C8orf34: variants seen among roughly 807,000 people sequenced by gnomAD.
C8orf34 encodes chromosome 8 open reading frame 34, also known as uncharacterized protein C8orf34.
A neutral mutation model predicts 68.3 loss-of-function variants in C8orf34; 65 were observed. The ratio of observed to expected loss-of-function variants is 0.95; its 90% CI spans 0.78 to 1.17. The LOEUF is 1.17. C8orf34 is among the 50% of genes most tolerant of loss of function. The probability of loss-of-function intolerance (pLI) is 0.00; values close to 1 mark genes in which losing one functional copy is unlikely to be tolerated. For missense variants in C8orf34, 664 were observed against 655.4 expected (o/e 1.01, Z -0.14); for synonymous variants, 244 against 241.2 (o/e 1.01, Z -0.11).
At chr8:68,474,807 C>T (rs1812532283) in intron 4 of C8orf34, among the ~76,000 whole-genome samples, 1 of 152,190 alleles carries the variant, frequency 6.6e-6, no homozygotes, top group African/African-American at 2.4e-5. Flanking sequence ...ATGGAAGTGA[C>T]ATACATTATC....
intron 12 of C8orf34, among the ~76,000 whole-genome samples, chr8:68,810,954 C>A (rs917935237): frequency 6.6e-6 from 1 of 152,170 alleles, no homozygotes; most frequent in African/African-American, 2.4e-5. Context: ...CAGCCCAGCC[C>A]CCAGGCTTCA....
chr8:68,561,372 T>C (rs1205636109), intron 7 of C8orf34, among the ~76,000 whole-genome samples: 1 of 151,864 alleles, frequency 6.6e-6, no homozygotes, highest in Non-Finnish European at 1.5e-5. Flanking sequence ...CAAAAAAAAA[T>C]CTTTCCTTTG....
intron 1 of C8orf34, among the ~76,000 whole-genome samples, chr8:68,338,458 T>C (rs900094681): frequency 6.6e-6 from 1 of 152,216 alleles, no homozygotes; most frequent in African/African-American, 2.4e-5. Flanking sequence ...TTGTAACTCC[T>C]CTTCTCCTTA....
At chr8:68,355,578 G>A (rs1806711658) in intron 1 of C8orf34, among the ~76,000 whole-genome samples, 1 of 152,112 alleles carries the variant, frequency 6.6e-6, no homozygotes, top group Non-Finnish European at 1.5e-5. Context: ...CAGAACAGGT[G>A]GAGAGATCTT....
chr8:68,698,254 T>C (rs1395074011), intron 8 of C8orf34, among the ~76,000 whole-genome samples: 3 of 152,124 alleles, frequency 2.0e-5, no homozygotes, highest in Admixed American at 1.3e-4. Flanking sequence ...TACTTTGGAA[T>C]GTTCAGTATA....
chr8:68,786,432 T>A, intron 11 of C8orf34, among the ~76,000 whole-genome samples: 1 of 152,300 alleles, frequency 6.6e-6, no homozygotes, highest in East Asian at 1.9e-4. Context: ...AGGACCTTTT[T>A]TATTATTTTT....
chr8:68,786,913 GGTCTGCTTTAGTTCAAT>G (rs1173098912), intron 11 of C8orf34, among the ~76,000 whole-genome samples: 1 of 152,080 alleles, frequency 6.6e-6, no homozygotes, highest in Non-Finnish European at 1.5e-5. Context: ...AGATAATGAG[GGTCTGCTTTAGTTCAAT>G]GACAGAAGGG....
chr8:68,507,136 A>G (rs568514532), intron 5 of C8orf34, among the ~76,000 whole-genome samples: 1 of 152,344 alleles, frequency 6.6e-6, no homozygotes, highest in East Asian at 1.9e-4. Flanking sequence ...ATTTGACAAT[A>G]AAGTCATGCA....
intron 1 of C8orf34, among the ~76,000 whole-genome samples, chr8:68,436,112 G>A (rs558649029): frequency 2.0e-5 from 3 of 152,290 alleles, no homozygotes; most frequent in African/African-American, 7.2e-5. Context: ...GGAGGCTGAG[G>A]TGGAAGAATT....
intron 10 of C8orf34, among the ~76,000 whole-genome samples, chr8:68,744,728 A>G (rs1304104771): frequency 6.6e-6 from 1 of 152,210 alleles, no homozygotes; most frequent in Non-Finnish European, 1.5e-5. Flanking sequence ...GAAATATGGG[A>G]CTATGTGAAA....
At chr8:68,455,173 CT>C (rs1464681347) in intron 3 of C8orf34, among the ~76,000 whole-genome samples, 2 of 152,110 alleles carry the variant, frequency 1.3e-5, no homozygotes, top group Non-Finnish European at 2.9e-5. Context: ...CATAAGATCT[CT>C]CCTAGAGAAT....
chr8:68,460,581 C>G (rs539368213), intron 3 of C8orf34, among the ~76,000 whole-genome samples: 1 of 152,154 alleles, frequency 6.6e-6, no homozygotes, highest in Non-Finnish European at 1.5e-5. Context: ...GCCAGGTACC[C>G]CTCTGAGACA....
At chr8:68,587,016 A>T (rs1406326747) in intron 7 of C8orf34, among the ~76,000 whole-genome samples, 1 of 152,110 alleles carries the variant, frequency 6.6e-6, no homozygotes, top group South Asian at 2.1e-4. Flanking sequence ...CTACAGAAAA[A>T]GTTTACAGCC....
rs532068658 is a variant in C8orf34 at position 68,541,364 on chromosome 8, G to A, written c.1105+8215G>A. Among the ~76,000 whole-genome samples, 17 of 152,142 alleles carry A rather than the reference G, an allele frequency of 1.1e-4. 1 individual carries two copies. In the South Asian group the frequency reaches 2.1e-3, roughly 19 times the overall value. ...GTCTGTAGTCCCAGCTACTTGGGAAGCTGAGGGGAGAGGATCACTTGAGCC... is the reference window on the plus strand; with the variant it reads ...GTCTGTAGTCCCAGCTACTTGGGAAACTGAGGGGAGAGGATCACTTGAGCC... On this transcript the variant is annotated intron_variant, in intron 7 of 13. Coordinates refer to ENST00000518698, the MANE Select transcript of C8orf34 (RefSeq NM_052958.4).
chr8:68,542,550 A>G lies in C8orf34; in HGVS notation c.1105+9401A>G, dbSNP rs1586349627. On this transcript the variant is annotated intron_variant, in intron 7 of 13. Transcript: ENST00000518698. ...CTGAGTTAAGGGCATCTTTTATAGA[A>G]AGTAGTTTAAGATAGGAAAGATATC... 3.3e-5 allele frequency among the ~76,000 whole-genome samples: 5 copies of G among 152,254 alleles called. No individual in the cohort carries two copies. The South Asian group carries it at 1.0e-3, about 32-fold the overall frequency.
intron 8 of C8orf34, among the ~76,000 whole-genome samples, chr8:68,703,261 A>G (rs556594091): frequency 6.6e-6 from 1 of 152,286 alleles, no homozygotes; most frequent in African/African-American, 2.4e-5. Flanking sequence ...AAGTCAATAG[A>G]AGGTGATTAA....
chr8:68,606,766 G>A (rs1817866942), intron 7 of C8orf34, among the ~76,000 whole-genome samples: 1 of 151,980 alleles, frequency 6.6e-6, no homozygotes, highest in Non-Finnish European at 1.5e-5. Flanking sequence ...GTGAAGGAGG[G>A]CATAGTTGAG....
chr8:68,457,453 A>G (rs1313089413), intron 3 of C8orf34, among the ~76,000 whole-genome samples: 1 of 152,188 alleles, frequency 6.6e-6, no homozygotes, highest in East Asian at 1.9e-4. Context: ...AGATAAGAAC[A>G]TTAGCATTTA....
In C8orf34 at chr8:68,709,028, G is replaced by A; in HGVS notation, c.1276G>A (p.Glu426Lys). 1 of 1,606,286 alleles carries A rather than the reference G, an allele frequency of 6.2e-7. No homozygotes were observed. Among genetic ancestry groups the A allele is most frequent in the Non-Finnish European group, 8.5e-7 (1 of 1,178,088 alleles). The change falls in exon 9 of 14, where the codon GAG becomes AAG. Residue 426 changes from glutamate to lysine, a missense_variant. Physicochemically the swap from Glu to Lys is moderately conservative, Grantham distance 56. Coordinates refer to ENST00000518698, the MANE Select transcript of C8orf34 (RefSeq NM_052958.4). ...AGACAACCTGGAAGAAAGGACAGAA[G>A]AGTCACTACCAATACTCCATTCTCC... ...QGDNLEERTE[E>K]SLPILHSPDE...
Sources: allele counts gnomAD v4.1 joint callset (sites outside exome capture counted in the v4.1 genomes callset), GRCh38; gene constraint gnomAD v4.1.1; transcripts MANE v1.5; gene names NCBI Gene and HGNC (gene_info 2026-07-23, HGNC 2026-07-21).